DYM: variants seen among roughly 807,000 people sequenced by gnomAD.
The protein encoded by DYM is dymeclin.
DYM carries 78 observed loss-of-function variants against 93.1 expected under a neutral mutation model. That is an observed-to-expected ratio of 0.84 (90% confidence interval 0.70 to 1.01). The LOEUF is 1.01. Among genes scored for constraint, DYM ranks in the 50% least tolerant of loss-of-function variants. The pLI, the probability that DYM is intolerant of heterozygous loss-of-function variation, is 0.00. For missense variants in DYM, 789 were observed against 845.0 expected (o/e 0.93, Z 0.82); for synonymous variants, 321 against 319.7 (o/e 1.00, Z -0.04).
At chr18:49,176,293 C>A (rs568637941) in intron 14 of DYM, among the ~76,000 whole-genome samples, 41 of 152,148 alleles carry the variant, frequency 2.7e-4, no homozygotes, top group Non-Finnish European at 5.9e-4. Context: ...ACTATACTAC[C>A]AAATTTATAA....
Position 49,202,678 on chromosome 18 carries a change from G to C in DYM, c.1625+6873C>G, listed in dbSNP as rs1299170434. Among the ~76,000 whole-genome samples, 44 of 104,420 alleles carry C rather than the reference G, an allele frequency of 4.2e-4. 1 individual carries two copies. The South Asian group carries it at 0.018, about 43-fold the overall frequency. 68.5% of individuals were successfully genotyped at this position (104,420 alleles called of 152,430 possible). A position where few individuals can be genotyped will look rare whatever the true frequency, so the allele number is the denominator to read the frequency against. ...TGGGATGTGAGGAGCGCCTCTGCCC[G>C]GCCGAGACCCCGTCTGGGAGGTGAG... On this transcript the variant is annotated intron_variant, in intron 14 of 17. Transcript: ENST00000675505.
intron 14 of DYM, among the ~76,000 whole-genome samples, chr18:49,203,501 T>C (rs1205051992): frequency 6.7e-6 from 1 of 148,416 alleles, no homozygotes; most frequent in Admixed American, 6.7e-5. Context: ...CATTTTGTTC[T>C]GCACTAAGAA....
chr18:49,444,186 G>A (rs2081906985), intron 1 of DYM, among the ~76,000 whole-genome samples: 1 of 152,184 alleles, frequency 6.6e-6, no homozygotes, highest in African/African-American at 2.4e-5. Context: ...AATCTATCAT[G>A]TGTTATTGAA....
At chr18:49,202,641 C>T (rs1379845886) in intron 14 of DYM, among the ~76,000 whole-genome samples, 4 of 111,678 alleles carry the variant, frequency 3.6e-5, no homozygotes, top group South Asian at 7.7e-4. Flanking sequence ...GCCTCTGCCC[C>T]GCCGCCCCAT....
chr18:49,236,915 T>G (rs2093884474), intron 13 of DYM, among the ~76,000 whole-genome samples: 2 of 152,204 alleles, frequency 1.3e-5, no homozygotes, highest in African/African-American at 4.8e-5. Flanking sequence ...CCTGCTAGAC[T>G]TTCAGTCTTT....
chr18:49,435,213 A>T (rs2080729305), intron 1 of DYM, among the ~76,000 whole-genome samples: 1 of 125,158 alleles, frequency 8.0e-6, no homozygotes, highest in Admixed American at 8.1e-5. Flanking sequence ...ATCTCAAAAA[A>T]AAAAAAAAAA....
intron 6 of DYM, among the ~76,000 whole-genome samples, chr18:49,341,491 CAAAAAAA>C (rs10578063): frequency 1.1e-4 from 7 of 64,922 alleles, no homozygotes; most frequent in African/African-American, 3.0e-4. Flanking sequence ...GACTCCATCG[CAAAAAAA>C]AAAAAAAAAA....
chr18:49,313,061 T>A (rs983089882), intron 8 of DYM, among the ~76,000 whole-genome samples: 20 of 152,136 alleles, frequency 1.3e-4, no homozygotes, highest in Non-Finnish European at 4.4e-5. Flanking sequence ...CTAGGTTAAA[T>A]AAGTCCGAGA....
chr18:49,359,403 G>A (rs2065837556), intron 6 of DYM, among the ~76,000 whole-genome samples: 1 of 152,100 alleles, frequency 6.6e-6, no homozygotes, highest in African/African-American at 2.4e-5. Context: ...GTACCTCCGT[G>A]AATTAATATT....
chr18:49,046,937 A>T (rs1239858937), intron 17 of DYM, among the ~76,000 whole-genome samples: 1 of 152,236 alleles, frequency 6.6e-6, no homozygotes, highest in Non-Finnish European at 1.5e-5. Context: ...AAATAAATTT[A>T]AGAAAACCAA....
chr18:49,260,037 G>A (rs1325594284), intron 11 of DYM, among the ~76,000 whole-genome samples: 2 of 152,084 alleles, frequency 1.3e-5, no homozygotes, highest in East Asian at 3.8e-4. Context: ...ACAGAATATT[G>A]CATCCATAAA....
chr18:49,308,288 GTGTA>G (rs902104546), intron 8 of DYM, among the ~76,000 whole-genome samples: 23 of 105,832 alleles, frequency 2.2e-4, no homozygotes, highest in African/African-American at 3.6e-4. Context: ...ACACTTGTGT[GTGTA>G]TATATATATA....
chr18:49,234,545 C>T (rs1387265620), intron 13 of DYM, among the ~76,000 whole-genome samples: 1 of 152,038 alleles, frequency 6.6e-6, no homozygotes. Flanking sequence ...CTTCCTGGAC[C>T]TAAGAAGGAG....
intron 14 of DYM, among the ~76,000 whole-genome samples, chr18:49,183,662 C>T (rs191432741): frequency 1.1e-4 from 17 of 152,232 alleles, no homozygotes; most frequent in African/African-American, 4.1e-4. Flanking sequence ...AGTGCCTGTA[C>T]ATTTAACAGG....
At chr18:49,056,602 AT>A (rs1265767355) in intron 17 of DYM, among the ~76,000 whole-genome samples, 1 of 151,526 alleles carries the variant, frequency 6.6e-6, no homozygotes, top group African/African-American at 2.4e-5. Flanking sequence ...CATTGGTGTG[AT>A]CTCGGCTCAC....
intron 1 of DYM, among the ~76,000 whole-genome samples, chr18:49,440,476 T>C (rs1260991995): frequency 2.1e-5 from 2 of 94,038 alleles, no homozygotes; most frequent in Non-Finnish European, 3.9e-5. Flanking sequence ...TATATGACTA[T>C]ATATTATATA....
rs554183050 is a variant in DYM at position 49,227,988 on chromosome 18, C to T, written c.1461-18273G>A. Among the ~76,000 whole-genome samples the T allele has an allele frequency of 3.9e-5, 6 of 152,250 alleles. No homozygotes were observed. The South Asian group carries it at 1.2e-3, about 32-fold the overall frequency. On this transcript the variant is annotated intron_variant, in intron 13 of 17. Coordinates refer to ENST00000675505, the MANE Select transcript of DYM (RefSeq NM_001353214.3). ...CATGCACATTTTGGTGCTCTCCCTT[C>T]TAGGTTCCCACTGTGCCTTATGCTT...
intron 14 of DYM, among the ~76,000 whole-genome samples, chr18:49,203,871 T>TAAAAAAAA (rs71165370): frequency 3.8e-4 from 24 of 63,536 alleles, no homozygotes; most frequent in Non-Finnish European, 5.1e-4. Flanking sequence ...TTTAAAAAAG[T>TAAAAAAAA]AAAAAAAAAA....
intron 5 of DYM, chr18:49,375,874 G>C (rs937767720): frequency 1.3e-5 from 2 of 152,244 alleles, no homozygotes; most frequent in African/African-American, 4.8e-5. Flanking sequence ...CAGACTTGCT[G>C]AGTCTCCTGG....
Sources: gnomAD v4.1 joint callset for allele counts (sites outside exome capture counted in the v4.1 genomes callset) on GRCh38, gnomAD v4.1.1 for gene constraint, MANE v1.5 for transcripts, NCBI Gene and HGNC (gene_info 2026-07-23, HGNC 2026-07-21) for gene names.